Variants in ULK4 observed in about 807,000 individuals in gnomAD.
The protein encoded by ULK4 is inactive serine/threonine-protein kinase ULK4.
In ULK4, 133 loss-of-function variants were observed where a neutral mutation model predicts 160.6. That is an observed-to-expected ratio of 0.83 (90% CI 0.72 to 0.96). ULK4 has a LOEUF of 0.96. ULK4 is among the 40% of genes least tolerant of loss of function. The probability of loss-of-function intolerance (pLI) is 0.00; values close to 1 mark genes in which losing one functional copy is unlikely to be tolerated. For missense variants in ULK4, 1,580 were observed against 1,499.5 expected, an observed-to-expected ratio of 1.05 and a Z score of -0.89; for synonymous variants, 534 against 539.8, an observed-to-expected ratio of 0.99 and a Z score of 0.15.
At chr3:41,781,335 T>G (rs952776526) in intron 21 of ULK4, among the ~76,000 whole-genome samples, 3 of 150,528 alleles carry the variant, frequency 2.0e-5, no homozygotes, top group Admixed American at 6.7e-5. Flanking sequence ...GAGAATGGCG[T>G]GAACCCAGGA....
At chr3:41,824,030 G>C (rs1034881160) in intron 18 of ULK4, among the ~76,000 whole-genome samples, 1 of 152,038 alleles carries the variant, frequency 6.6e-6, no homozygotes, top group Non-Finnish European at 1.5e-5. Context: ...AGGTGTGGTG[G>C]TGTACACTTG....
At chr3:41,667,502 T>C (rs1433288055) in intron 29 of ULK4, among the ~76,000 whole-genome samples, 2 of 152,216 alleles carry the variant, frequency 1.3e-5, no homozygotes, top group African/African-American at 2.4e-5. Flanking sequence ...AATTGAGTCC[T>C]GCACTCCTTT....
chr3:41,452,082 G>T (rs1321801770), intron 34 of ULK4, among the ~76,000 whole-genome samples: 1 of 152,018 alleles, frequency 6.6e-6, no homozygotes, highest in Admixed American at 6.6e-5. Flanking sequence ...AGCCTTGTGG[G>T]GAATCTTCTG....
intron 34 of ULK4, among the ~76,000 whole-genome samples, chr3:41,415,662 A>G (rs2082509131): frequency 6.6e-6 from 1 of 152,134 alleles, no homozygotes; most frequent in African/African-American, 2.4e-5. Context: ...GCCTCCTAAT[A>G]TAAAGATCTT....
At chr3:41,363,946 G>A (rs1212952434) in intron 35 of ULK4, among the ~76,000 whole-genome samples, 1 of 142,108 alleles carries the variant, frequency 7.0e-6, no homozygotes, top group Non-Finnish European at 1.5e-5. Flanking sequence ...TTTTTTTTCT[G>A]TAGATACAGG....
intron 32 of ULK4, among the ~76,000 whole-genome samples, chr3:41,492,809 C>A (rs1039153637): frequency 2.4e-4 from 34 of 144,490 alleles, no homozygotes; most frequent in African/African-American, 8.7e-4. Flanking sequence ...TTTAAACCAG[C>A]AAAGATCAAA....
At chr3:41,309,703 T>G (rs2080012776) in intron 35 of ULK4, among the ~76,000 whole-genome samples, 1 of 152,204 alleles carries the variant, frequency 6.6e-6, no homozygotes, top group Non-Finnish European at 1.5e-5. Context: ...TATACAATTA[T>G]GCCAAAAGTC....
chr3:41,503,961 C>A (rs1347534202), intron 32 of ULK4, among the ~76,000 whole-genome samples: 2 of 152,062 alleles, frequency 1.3e-5, no homozygotes, highest in Non-Finnish European at 2.9e-5. Flanking sequence ...TAGAAAAGGC[C>A]ATCTTGGTTG....
chr3:41,273,284 T>C (rs946837940), intron 35 of ULK4, among the ~76,000 whole-genome samples: 2 of 152,200 alleles, frequency 1.3e-5, no homozygotes, highest in Non-Finnish European at 2.9e-5. Flanking sequence ...GACAAATTAT[T>C]TCCCCTGTTG....
chr3:41,476,891 G>A (rs1221850391), intron 32 of ULK4, among the ~76,000 whole-genome samples: 3 of 152,144 alleles, frequency 2.0e-5, no homozygotes, highest in African/African-American at 7.2e-5. Context: ...GAAAGTCAAA[G>A]CCACCTTTGT....
rs761450791 is a variant in ULK4 at position 41,446,892 on chromosome 3, A to AAAAAT, written c.3492+8600_3492+8604dup. 5.9e-5 allele frequency among the ~76,000 whole-genome samples: 9 copies of AAAAAT among 151,840 alleles called. No homozygotes were observed. The East Asian group carries it at 1.2e-3, about 20-fold the overall frequency. ...TAAAGCATAATAAAAGAATAGAAAT[A>AAAAAT]AAAATAAAATAAAATAAAAATAAAA... is the stretch of plus-strand genomic sequence containing the variant. On this transcript the variant is annotated intron_variant, in intron 34 of 36. Coordinates refer to ENST00000301831, the MANE Select transcript of ULK4 (RefSeq NM_017886.4).
intron 15 of ULK4, 109 bp downstream of exon 15, chr3:41,896,713 G>A (rs1698171056): frequency 2.4e-6 from 3 of 1,262,596 alleles, no homozygotes; most frequent in African/African-American, 1.5e-5. Flanking sequence ...CTAAAATCGT[G>A]ATAAATCAGT....
intron 17 of ULK4, among the ~76,000 whole-genome samples, chr3:41,874,470 T>TA (rs1370570054): frequency 6.6e-6 from 1 of 152,222 alleles, no homozygotes; most frequent in Non-Finnish European, 1.5e-5. Context: ...CAATAATTCT[T>TA]ACAATATTTC....
chr3:41,497,059 T>C (rs76251809), intron 32 of ULK4, among the ~76,000 whole-genome samples: 1 of 117,582 alleles, frequency 8.5e-6, no homozygotes, highest in Non-Finnish European at 1.9e-5. Flanking sequence ...AAAAAAGATA[T>C]TAAATAGAGA....
chr3:41,601,645 T>A (rs1036482823), intron 31 of ULK4, among the ~76,000 whole-genome samples: 1 of 152,062 alleles, frequency 6.6e-6, no homozygotes, highest in Non-Finnish European at 1.5e-5. Flanking sequence ...GAATGATACC[T>A]CGTCTCTGTG....
chr3:41,556,293 C>T (rs7647721), intron 32 of ULK4, among the ~76,000 whole-genome samples: 77,588 of 151,860 alleles, frequency 0.51, 19,922 homozygotes, highest in Middle Eastern at 0.57. Flanking sequence ...TCTGTGAAAA[C>T]AGAATTGAAA....
chr3:41,945,067 G>C (rs1700073668), intron 2 of ULK4, among the ~76,000 whole-genome samples: 2 of 152,154 alleles, frequency 1.3e-5, no homozygotes. Context: ...TTTCTGGAAA[G>C]AATTCCCAAA....
chr3:41,835,120 G>T (rs1177858274), intron 18 of ULK4, among the ~76,000 whole-genome samples: 1 of 151,968 alleles, frequency 6.6e-6, no homozygotes, highest in Non-Finnish European at 1.5e-5. Context: ...TGAGGTGGGA[G>T]AATGATCTGA....
intron 32 of ULK4, among the ~76,000 whole-genome samples, chr3:41,484,498 G>C (rs1280174057): frequency 7.1e-6 from 1 of 141,206 alleles, no homozygotes; most frequent in Non-Finnish European, 1.5e-5. Context: ...TGTCACCCAG[G>C]CTGGAGTGCA....
Sources: gnomAD v4.1 joint callset for allele counts (sites outside exome capture counted in the v4.1 genomes callset) on GRCh38, gnomAD v4.1.1 for gene constraint, MANE v1.5 for transcripts, NCBI Gene and HGNC (gene_info 2026-07-23, HGNC 2026-07-21) for gene names.